The following NCS1 variants were observed in gnomAD, a reference collection of about 807,000 sequenced individuals.
NCS1 encodes frequenin homolog.
In NCS1, 6 loss-of-function variants were observed where a neutral mutation model predicts 28.4. The ratio of observed to expected loss-of-function variants is 0.21; its 90% CI spans 0.12 to 0.42. NCS1 has a LOEUF of 0.42. Ranked by LOEUF, NCS1 falls within the 10% of genes least tolerant of loss-of-function variation. The pLI is 1.00. For synonymous variants in NCS1, 86 were observed against 99.3 expected, an observed-to-expected ratio of 0.87 and a Z score of 0.79; for missense variants, 131 against 241.4, an observed-to-expected ratio of 0.54 and a Z score of 3.03.
intron 2 of NCS1, among the ~76,000 whole-genome samples, chr9:130,214,561 G>A (rs1192772767): frequency 6.6e-6 from 1 of 152,162 alleles, no homozygotes; most frequent in Non-Finnish European, 1.5e-5. Flanking sequence ...GGACTCACAC[G>A]TGAAGCGAAC....
intron 1 of NCS1, among the ~76,000 whole-genome samples, chr9:130,199,422 T>C (rs1832914554): frequency 6.6e-6 from 1 of 152,208 alleles, no homozygotes; most frequent in African/African-American, 2.4e-5. Context: ...TGAGGCCTGC[T>C]TGCAGACAGG....
At position 130,227,156 on chromosome 9, in the gene NCS1, C is replaced by T. The variant is rs144397569; in HGVS notation, c.*17+652C>T. Among the ~76,000 whole-genome samples, 11 of 152,268 alleles carry T rather than the reference C, an allele frequency of 7.2e-5. No homozygotes were observed. In the East Asian group the frequency reaches 1.9e-3, roughly 27 times the overall value. On this transcript the variant is annotated intron_variant, in intron 7 of 7. Coordinates refer to ENST00000372398, the MANE Select transcript of NCS1 (RefSeq NM_014286.4). Reference sequence around the variant, plus strand: ...ATTTCTTATCCCCTCTCTGAGCAGCCGGTTGAAGACCTAACTAAGCTCCTA... The same window carrying T: ...ATTTCTTATCCCCTCTCTGAGCAGCTGGTTGAAGACCTAACTAAGCTCCTA...
intron 1 of NCS1, chr9:130,200,753 G>A: frequency 7.1e-7 from 1 of 1,410,182 alleles, no homozygotes; most frequent in Non-Finnish European, 9.9e-7. Context: ...GGTGGGGCCA[G>A]TGTCCCCTGC....
Position 130,201,055 on chromosome 9 carries a change from A to G in NCS1, c.89+73A>G, listed in dbSNP as rs911771622. 5.7e-6 allele frequency: 9 copies of G among 1,590,390 alleles called. No homozygotes were observed. In the Admixed American group the frequency reaches 1.3e-4, roughly 24 times the overall value. On this transcript the variant is annotated intron_variant, in intron 2 of 7. Coordinates refer to ENST00000372398, the MANE Select transcript of NCS1 (RefSeq NM_014286.4). ...CTTTGTGGGCTGTGGGCTGATGGGGACAGCAGTCCAGCTGCTCAGGATGGG... is the reference window on the plus strand; with the variant it reads ...CTTTGTGGGCTGTGGGCTGATGGGGGCAGCAGTCCAGCTGCTCAGGATGGG...
At chr9:130,178,512 C>G (rs577892209) in intron 1 of NCS1, among the ~76,000 whole-genome samples, 1 of 152,194 alleles carries the variant, frequency 6.6e-6, no homozygotes, top group African/African-American at 2.4e-5. Context: ...GTCTTAAACC[C>G]CTTTGGGGCA....
At chr9:130,182,224 C>T (rs1554905202) in intron 1 of NCS1, among the ~76,000 whole-genome samples, 1 of 152,194 alleles carries the variant, frequency 6.6e-6, no homozygotes, top group African/African-American at 2.4e-5. Flanking sequence ...CCCAAGTCCC[C>T]CCAGCCAGCC....
intron 1 of NCS1, among the ~76,000 whole-genome samples, chr9:130,174,790 C>CAAAAAAAAAAAAA (rs34473694): frequency 0.031 from 2,842 of 90,342 alleles, 165 homozygotes; most frequent in East Asian, 0.085. Flanking sequence ...ACTCTGTCTC[C>CAAAAAAAAAAAAA]AAAAAAAAAA....
chr9:130,219,576 C>T lies in NCS1; in HGVS notation c.229-149C>T, dbSNP rs1833244793. ...CCCACCCTCTCCTTGCCTCTCGCCC[C>T]CCATTCCTTCGAGCCTGCCCTCTCC... On this transcript the variant is annotated intron_variant, in intron 3 of 7. Coordinates refer to ENST00000372398, the MANE Select transcript of NCS1 (RefSeq NM_014286.4). This position sits in a 1 kb window ranked among gnomAD's most constrained non-coding sequence, Gnocchi z 5.7. The T allele has an allele frequency of 4.2e-6, 3 of 711,270 alleles. No individual in the cohort carries two copies. The South Asian group carries it at 4.9e-5, about 12-fold the overall frequency. 44.1% of individuals were successfully genotyped at this position (711,270 alleles called of 1,614,324 possible). A position where few individuals can be genotyped will look rare whatever the true frequency, so the allele number is the denominator to read the frequency against.
intron 2 of NCS1, among the ~76,000 whole-genome samples, chr9:130,205,833 T>TA (rs57877038): frequency 1.3e-3 from 187 of 141,842 alleles, no homozygotes; most frequent in Middle Eastern, 7.1e-3. Flanking sequence ...GACCCTGTCT[T>TA]AAAAAAAAAA....
Position 130,192,322 on chromosome 9 carries a change from C to T in NCS1, c.65-8636C>T, listed in dbSNP as rs963407615. Among the ~76,000 whole-genome samples the T allele has an allele frequency of 2.6e-4, 39 of 152,118 alleles. No individual in the cohort carries two copies. Among genetic ancestry groups the T allele is most frequent in the African/African-American group, 9.2e-4 (38 of 41,394 alleles). On this transcript the variant is annotated intron_variant, in intron 1 of 7. Transcript: ENST00000372398. The surrounding 1 kb of genome is among the most constrained non-coding windows in gnomAD (Gnocchi z 4.8). ...CACTCCATTTTAGAGAAGAGGCTGC[C>T]GCCCTTGTCCAAGGTCGAGGGTTAA... is the stretch of plus-strand genomic sequence containing the variant.
intron 1 of NCS1, among the ~76,000 whole-genome samples, chr9:130,188,486 G>A (rs1347295530): frequency 6.8e-6 from 1 of 146,856 alleles, no homozygotes; most frequent in Non-Finnish European, 1.5e-5. Context: ...GCAATGGCTC[G>A]ATCTCGGCGG....
chr9:130,226,525 TGGGGTGGGTCTGGGATGGGTCA>T lies in NCS1; in HGVS notation c.*17+28_*17+49del. 1 of 1,566,930 alleles carries T rather than the reference TGGGGTGGGTCTGGGATGGGTCA, an allele frequency of 6.4e-7. No individual in the cohort carries two copies. Among genetic ancestry groups the T allele is most frequent in the South Asian group, 1.1e-5 (1 of 88,690 alleles). ...GCTGGGTGAGTGCAGACTCGGGGCC[TGGGGTGGGTCTGGGATGGGTCA>T]GGGGTGAAAACCCAGCAGCAGGACA... is the stretch of plus-strand genomic sequence containing the variant. On this transcript the variant is annotated intron_variant, in intron 7 of 7. Coordinates refer to ENST00000372398, the MANE Select transcript of NCS1 (RefSeq NM_014286.4). The surrounding 1 kb of genome is among the most constrained non-coding windows in gnomAD (Gnocchi z 4.8).
chr9:130,235,089 C>G lies in NCS1; in HGVS notation c.*2117C>G, dbSNP rs1315079530. On this transcript the variant is annotated 3_prime_UTR_variant, in exon 8 of 8. Transcript: ENST00000372398. ...TCCCCCCTGAGGCGTTCATTGGCAG[C>G]CCCCTAGGACTGCACGCTGGCCCCA... 6.6e-6 allele frequency: 1 copy of G among 151,734 alleles called. No homozygotes were observed. Among genetic ancestry groups the G allele is most frequent in the South Asian group, 2.1e-4 (1 of 4,802 alleles). 9.4% of individuals were successfully genotyped at this position (151,734 alleles called of 1,614,324 possible).
At chr9:130,203,921 A>G (rs1832991164) in intron 2 of NCS1, among the ~76,000 whole-genome samples, 1 of 152,194 alleles carries the variant, frequency 6.6e-6, no homozygotes, top group African/African-American at 2.4e-5. Context: ...AGCCGCAGAC[A>G]GCAGAGTGGC....
At chr9:130,206,146 G>A (rs1394929379) in intron 2 of NCS1, among the ~76,000 whole-genome samples, 4 of 152,142 alleles carry the variant, frequency 2.6e-5, no homozygotes, top group Admixed American at 6.5e-5. Flanking sequence ...TGTGCTCTGG[G>A]AGCCAGGGGA....
intron 2 of NCS1, among the ~76,000 whole-genome samples, chr9:130,205,833 TAA>T (rs57877038): frequency 1.8e-4 from 26 of 141,788 alleles, no homozygotes; most frequent in Admixed American, 2.8e-4. Context: ...GACCCTGTCT[TAA>T]AAAAAAAAAA....
chr9:130,197,518 T>C (rs1832890240), intron 1 of NCS1, among the ~76,000 whole-genome samples: 1 of 152,136 alleles, frequency 6.6e-6, no homozygotes, highest in South Asian at 2.1e-4. Flanking sequence ...CCGGCTCAGC[T>C]TCCTCTCCAG....
rs1406129617 is a variant in NCS1, at chr9:130,236,417, G to A, written c.*3445G>A. On this transcript the variant is annotated 3_prime_UTR_variant, in exon 8 of 8. Coordinates refer to ENST00000372398, the MANE Select transcript of NCS1 (RefSeq NM_014286.4). Reference sequence around the variant, plus strand: ...GGCTGGAGCGGGGAGGCGAGGAGGGGGCTGTGAGTCCTCAGAGGCCCTGGG... The same window carrying A: ...GGCTGGAGCGGGGAGGCGAGGAGGGAGCTGTGAGTCCTCAGAGGCCCTGGG... 6.6e-6 allele frequency: 1 copy of A among 152,144 alleles called. No homozygotes were observed. The highest frequency in any genetic ancestry group is 2.4e-5 in the African/African-American group (1 of 41,402). The allele number at this position is 152,144 out of a possible 1,614,324, so 9.4% of individuals were successfully genotyped here. A position where few individuals can be genotyped will look rare whatever the true frequency, so the allele number is the denominator to read the frequency against.
In NCS1 at chr9:130,223,064, C is replaced by G; in HGVS notation, c.397-18C>G. ...CCCAGAGTGCCAGGGCCCACCCCCG[C>G]CTTGTCCGTCCCTGCAGGGGAATAC... On this transcript the variant is annotated intron_variant, in intron 5 of 7. Coordinates refer to ENST00000372398, the MANE Select transcript of NCS1 (RefSeq NM_014286.4). The G allele has an allele frequency of 6.2e-7, 1 of 1,611,640 alleles. No individual in the cohort carries two copies.
Sources: allele counts gnomAD v4.1 joint callset (sites outside exome capture counted in the v4.1 genomes callset), GRCh38; gene constraint gnomAD v4.1.1; non-coding constraint Gnocchi (gnomAD v3.1); transcripts MANE v1.5; gene names NCBI Gene and HGNC (gene_info 2026-07-23, HGNC 2026-07-21).